FSTL5: variants seen among roughly 807,000 people sequenced by gnomAD.
FSTL5 encodes the protein follistatin-related protein 5.
FSTL5 carries 62 observed loss-of-function variants against 89.1 expected under a neutral mutation model. That is an observed-to-expected ratio of 0.70 (90% CI 0.57 to 0.86). The LOEUF (loss-of-function observed/expected upper bound fraction) is 0.86. Ranked by LOEUF, FSTL5 falls within the 40% of genes least tolerant of loss-of-function variation. FSTL5 has a pLI of 0.00. For synonymous variants in FSTL5, 383 were observed against 346.2 expected, an observed-to-expected ratio of 1.11 and a Z score of -1.18; for missense variants, 1,057 against 1,001.6, an observed-to-expected ratio of 1.06 and a Z score of -0.75.
chr4:161,393,579 G>T (rs973083242), intron 15 of FSTL5, among the ~76,000 whole-genome samples: 6 of 152,082 alleles, frequency 3.9e-5, no homozygotes, highest in African/African-American at 1.4e-4. Context: ...TTTGAAGAGA[G>T]AGTTTATATT....
chr4:161,600,165 A>ACACACACC (rs1734176837), intron 7 of FSTL5, among the ~76,000 whole-genome samples: 1 of 131,864 alleles, frequency 7.6e-6, no homozygotes, highest in Non-Finnish European at 1.5e-5. Context: ...ATAAACACAC[A>ACACACACC]CACACACACA....
intron 8 of FSTL5, among the ~76,000 whole-genome samples, chr4:161,559,645 G>C (rs1732518436): frequency 6.6e-6 from 1 of 151,808 alleles, no homozygotes; most frequent in Admixed American, 6.6e-5. Flanking sequence ...TAAGCAAACT[G>C]TTAATGGTTT....
At chr4:162,124,405 T>C (rs1364524123) in intron 1 of FSTL5, among the ~76,000 whole-genome samples, 1 of 152,162 alleles carries the variant, frequency 6.6e-6, no homozygotes, top group Non-Finnish European at 1.5e-5. Context: ...TTAGCAACTT[T>C]CTTTCTCCAT....
intron 3 of FSTL5, among the ~76,000 whole-genome samples, chr4:161,932,263 A>T (rs1322464152): frequency 6.6e-6 from 1 of 151,978 alleles, no homozygotes; most frequent in Non-Finnish European, 1.5e-5. Flanking sequence ...ATCTGTTGTG[A>T]TGGTTCTCTA....
chr4:161,677,851 C>T (rs1217289627), intron 6 of FSTL5, among the ~76,000 whole-genome samples: 4 of 151,718 alleles, frequency 2.6e-5, no homozygotes, highest in Admixed American at 6.6e-5. Context: ...TAACACCTCC[C>T]CAGTCTCACC....
intron 9 of FSTL5, among the ~76,000 whole-genome samples, chr4:161,539,620 A>G (rs1731748897): frequency 1.3e-5 from 2 of 151,982 alleles, no homozygotes; most frequent in Admixed American, 1.3e-4. Context: ...TGTGGCAACT[A>G]CTCACCTCTG....
chr4:162,092,187 TTATA>T (rs1251929235), intron 2 of FSTL5, among the ~76,000 whole-genome samples: 15 of 152,124 alleles, frequency 9.9e-5, no homozygotes, highest in African/African-American at 2.9e-4. Flanking sequence ...TTAGAACTGC[TTATA>T]TAATTTTTTA....
chr4:161,927,130 A>G (rs889052855), intron 3 of FSTL5, among the ~76,000 whole-genome samples: 1 of 151,806 alleles, frequency 6.6e-6, no homozygotes, highest in African/African-American at 2.4e-5. Context: ...TGCCACTGTC[A>G]TCTATAAACC....
intron 2 of FSTL5, among the ~76,000 whole-genome samples, chr4:162,048,679 T>G (rs1402662354): frequency 6.6e-6 from 1 of 152,114 alleles, no homozygotes; most frequent in African/African-American, 2.4e-5. Context: ...CCAGAGCTTT[T>G]GTTGATTTCA....
intron 4 of FSTL5, among the ~76,000 whole-genome samples, chr4:161,799,318 G>A (rs577419307): frequency 2.0e-5 from 3 of 151,712 alleles, no homozygotes; most frequent in African/African-American, 7.2e-5. Context: ...TGATGAGTGA[G>A]TTATGAGAGA....
intron 4 of FSTL5, among the ~76,000 whole-genome samples, chr4:161,911,949 T>C (rs1332345347): frequency 1.3e-5 from 2 of 152,174 alleles, no homozygotes. Flanking sequence ...TCTCATTTGG[T>C]TTTAAAATTT....
chr4:162,058,350 T>A (rs1400825470), intron 2 of FSTL5, among the ~76,000 whole-genome samples: 1 of 151,852 alleles, frequency 6.6e-6, no homozygotes, highest in Non-Finnish European at 1.5e-5. Context: ...AGAAATAGAT[T>A]AGCCTGTGAT....
chr4:161,522,815 A>T (rs1338120166), intron 10 of FSTL5, among the ~76,000 whole-genome samples: 3 of 151,758 alleles, frequency 2.0e-5, no homozygotes, highest in Non-Finnish European at 4.4e-5. Context: ...TTCCGAAATT[A>T]TTTGAAGTTT....
chr4:161,586,060 T>G (rs1329804754), intron 8 of FSTL5, among the ~76,000 whole-genome samples: 1 of 152,180 alleles, frequency 6.6e-6, no homozygotes, highest in Non-Finnish European at 1.5e-5. Context: ...CCCAATATTT[T>G]CAAACTTTTT....
intron 6 of FSTL5, among the ~76,000 whole-genome samples, chr4:161,726,114 T>C (rs1739392811): frequency 6.6e-6 from 1 of 152,120 alleles, no homozygotes; most frequent in Non-Finnish European, 1.5e-5. Flanking sequence ...TAAGCTATCC[T>C]GCTTCTACAA....
At position 161,500,231 on chromosome 4, in the gene FSTL5, A is replaced by G. The variant is rs1730249915; in HGVS notation, c.1340-97T>C. The G allele has an allele frequency of 6.9e-6, 5 of 729,004 alleles. No homozygotes were observed. In the South Asian group the frequency reaches 7.4e-5, roughly 11 times the overall value. 45.2% of individuals were successfully genotyped at this position (729,004 alleles called of 1,614,324 possible). Reference sequence around the variant, plus strand: ...CTCTCATATCTTTAGCAGGAGACCAATTTTCGAAGTTGTGTAATGTTAATA... The same window carrying G: ...CTCTCATATCTTTAGCAGGAGACCAGTTTTCGAAGTTGTGTAATGTTAATA... On this transcript the variant is annotated intron_variant, in intron 11 of 15. Transcript: ENST00000306100.
chr4:161,772,581 C>T (rs1260646960), intron 5 of FSTL5, among the ~76,000 whole-genome samples: 4 of 152,068 alleles, frequency 2.6e-5, no homozygotes, highest in Non-Finnish European at 5.9e-5. Flanking sequence ...AAATCAAGAA[C>T]TCAATGCCTT....
intron 7 of FSTL5, among the ~76,000 whole-genome samples, chr4:161,620,317 T>C (rs1249917450): frequency 6.6e-6 from 1 of 151,984 alleles, no homozygotes; most frequent in Non-Finnish European, 1.5e-5. Flanking sequence ...TGTGCACATG[T>C]ACCCTAAAAC....
intron 4 of FSTL5, among the ~76,000 whole-genome samples, chr4:161,810,344 G>C (rs1264265833): frequency 1.1e-4 from 17 of 152,030 alleles, no homozygotes; most frequent in Admixed American, 1.1e-3. Flanking sequence ...CAAGTTTTAA[G>C]GTCAGTGATG....
Sources: allele counts gnomAD v4.1 joint callset (sites outside exome capture counted in the v4.1 genomes callset), GRCh38; gene constraint gnomAD v4.1.1; transcripts MANE v1.5; gene names NCBI Gene and HGNC (gene_info 2026-07-23, HGNC 2026-07-21).